BBS12: variants seen among roughly 807,000 people sequenced by gnomAD.
BBS12 encodes Bardet-Biedl syndrome 12, also known as chaperonin-containing T-complex member BBS12.
A neutral mutation model predicts 5.6 loss-of-function variants in BBS12; 5 were observed. The ratio of observed to expected loss-of-function variants is 0.89; its 90% CI spans 0.46 to 1.86. BBS12 has a LOEUF of 1.86. Ranked by LOEUF, BBS12 falls within the 40% of genes most tolerant of loss-of-function variation. BBS12 has a pLI of 0.01. For synonymous variants in BBS12, 308 were observed against 306.8 expected, an observed-to-expected ratio of 1.00 and a Z score of -0.04; for missense variants, 748 against 830.4, an observed-to-expected ratio of 0.90 and a Z score of 1.22.
Position 122,742,488 on chromosome 4 carries a change from T to C in BBS12, c.596T>C (p.Leu199Ser). Reference sequence around the variant, plus strand: ...GGGAGACCTCTTAAATCATATGAATTATTTAAACCTCAGACAAAGGTTGAA... The same window carrying C: ...GGGAGACCTCTTAAATCATATGAATCATTTAAACCTCAGACAAAGGTTGAA... ...LSGRPLKSYELFKPQTKVEAD... is the reference protein window; with the variant it reads ...LSGRPLKSYESFKPQTKVEAD... The change falls in exon 2 of 2, where the codon TTA becomes TCA. Residue 199 changes from leucine (L) to serine (S), a missense_variant. Transcript: ENST00000314218. 6.2e-7 allele frequency: 1 copy of C among 1,614,012 alleles called. No individual in the cohort carries two copies. The highest frequency in any genetic ancestry group is 8.5e-7 in the Non-Finnish European group (1 of 1,179,942).
At chr4:122,737,208 G>A (rs555286324) in intron 1 of BBS12, among the ~76,000 whole-genome samples, 1 of 152,290 alleles carries the variant, frequency 6.6e-6, no homozygotes, top group African/African-American at 2.4e-5. Flanking sequence ...ACATGTACAA[G>A]TTAAGAGTAT....
At chr4:122,707,975 T>TCC in the BBS12 span, among the ~76,000 whole-genome samples, 105 of 148,276 alleles carry the variant, frequency 7.1e-4, no homozygotes, top group Middle Eastern at 3.5e-3. Flanking sequence ...CTTCCTTCCT[T>TCC]TCTTTCTTTC....
At chr4:122,700,878 C>A in the BBS12 span, among the ~76,000 whole-genome samples, 45 of 152,284 alleles carry the variant, frequency 3.0e-4, 1 homozygote, top group East Asian at 8.3e-3. Context: ...AATGATTGAA[C>A]TACTTCTTCC....
intron 1 of BBS12, among the ~76,000 whole-genome samples, chr4:122,738,892 C>T (rs866563143): frequency 2.6e-5 from 4 of 152,000 alleles, no homozygotes; most frequent in Non-Finnish European, 5.9e-5. Flanking sequence ...TGAATATTTC[C>T]CCCCAGTTCA....
At chr4:122,707,742 G>A in the BBS12 span, among the ~76,000 whole-genome samples, 1 of 152,162 alleles carries the variant, frequency 6.6e-6, no homozygotes, top group Non-Finnish European at 1.5e-5. Flanking sequence ...TGGTGCAGTA[G>A]AAGGCCGACT....
At chr4:122,733,321 G>A (rs574710391) in intron 1 of BBS12, among the ~76,000 whole-genome samples, 1 of 151,164 alleles carries the variant, frequency 6.6e-6, no homozygotes, top group Non-Finnish European at 1.5e-5. Context: ...ATTTGTTTAC[G>A]AGGTAGGACT....
At chr4:122,735,779 T>TAC (rs1800775680) in intron 1 of BBS12, among the ~76,000 whole-genome samples, 1 of 152,198 alleles carries the variant, frequency 6.6e-6, no homozygotes, top group Non-Finnish European at 1.5e-5. Flanking sequence ...TCCTGGAAAT[T>TAC]ACATTCTAAG....
chr4:122,719,614 G>T, the BBS12 span, among the ~76,000 whole-genome samples: 2 of 151,972 alleles, frequency 1.3e-5, no homozygotes, highest in East Asian at 3.9e-4. Flanking sequence ...GAAGGTCTGC[G>T]GCGTCACTCC....
In BBS12 at chr4:122,732,794, G is replaced by GT. The variant is rs1434971063; in HGVS notation, c.-96dup. The GT allele has an allele frequency of 4.6e-5, 7 of 152,346 alleles. No individual in the cohort carries two copies. Among genetic ancestry groups the GT allele is most frequent in the Admixed American group, 4.6e-4 (7 of 15,292 alleles). 9.4% of individuals were successfully genotyped at this position (152,346 alleles called of 1,614,324 possible). Reference sequence around the variant, plus strand: ...GGGAACTGGGCTCCCTAGCCCTGGCGTTTTTGGTGTTGCTGTCCCAGCCAG... The same window carrying GT: ...GGGAACTGGGCTCCCTAGCCCTGGCGTTTTTTGGTGTTGCTGTCCCAGCCAG... On this transcript the variant is annotated 5_prime_UTR_variant, in exon 1 of 2. Coordinates refer to ENST00000314218, the MANE Select transcript of BBS12 (RefSeq NM_152618.3).
the BBS12 span, among the ~76,000 whole-genome samples, chr4:122,702,289 G>T: frequency 8.5e-4 from 129 of 152,288 alleles, 1 homozygote; most frequent in African/African-American, 3.0e-3. Context: ...TATCCAGACT[G>T]GAGACCAGCA....
At position 122,742,471 on chromosome 4, in the gene BBS12, T is replaced by G. The variant is rs1354832386; in HGVS notation, c.579T>G (p.Pro193=). 6.2e-7 allele frequency: 1 copy of G among 1,614,126 alleles called. No homozygotes were observed. The highest frequency in any genetic ancestry group is 1.1e-5 in the South Asian group (1 of 91,060). The change falls in exon 2 of 2, where the codon CCT becomes CCG. Residue 193 remains proline, a synonymous_variant. Transcript: ENST00000314218. ...TLTISNLSGR[P]LKSYELFKPQ... ...CCATTTCCAACCTTTCTGGGAGACC[T>G]CTTAAATCATATGAATTATTTAAAC...
At chr4:122,722,217 TAAATC>T in the BBS12 span, among the ~76,000 whole-genome samples, 2 of 152,204 alleles carry the variant, frequency 1.3e-5, no homozygotes, top group African/African-American at 2.4e-5. Flanking sequence ...ACCTTTGTCT[TAAATC>T]AAGTCATGTA....
At chr4:122,713,667 G>A in the BBS12 span, among the ~76,000 whole-genome samples, 1 of 152,182 alleles carries the variant, frequency 6.6e-6, no homozygotes, top group Non-Finnish European at 1.5e-5. Flanking sequence ...GATTGAGTAA[G>A]ATCAGTGTTT....
chr4:122,730,027 A>G (rs1800678233), upstream of BBS12: 1 of 152,254 alleles, frequency 6.6e-6, no homozygotes, highest in Non-Finnish European at 1.5e-5. Context: ...TGCTCACTAT[A>G]GAGTCAAACT....
chr4:122,735,740 G>A (rs954545703), intron 1 of BBS12, among the ~76,000 whole-genome samples: 2 of 151,996 alleles, frequency 1.3e-5, no homozygotes, highest in African/African-American at 2.4e-5. Context: ...GTAGGTACTC[G>A]GGATATACAT....
the BBS12 span, among the ~76,000 whole-genome samples, chr4:122,702,124 C>T: frequency 6.6e-6 from 1 of 152,194 alleles, no homozygotes; most frequent in Non-Finnish European, 1.5e-5. Flanking sequence ...GTCACCCAGG[C>T]TAGAGTGCAG....
At chr4:122,702,569 G>C in the BBS12 span, among the ~76,000 whole-genome samples, 171 of 152,348 alleles carry the variant, frequency 1.1e-3, 2 homozygotes, top group African/African-American at 3.9e-3. Context: ...TGCTGGCTAA[G>C]AGGCACATGC....
chr4:122,722,576 ACTT>A, the BBS12 span, among the ~76,000 whole-genome samples: 1 of 152,144 alleles, frequency 6.6e-6, no homozygotes, highest in Admixed American at 6.6e-5. Flanking sequence ...TTCTCTCAAT[ACTT>A]CTTAATAGAT....
chr4:122,716,651 G>A, the BBS12 span, among the ~76,000 whole-genome samples: 298 of 92,116 alleles, frequency 3.2e-3, 3 homozygotes, highest in African/African-American at 9.3e-3. Flanking sequence ...ACACGTGTGT[G>A]TATATGCACA....
Sources: allele counts gnomAD v4.1 joint callset (sites outside exome capture counted in the v4.1 genomes callset), GRCh38; gene constraint gnomAD v4.1.1; transcripts MANE v1.5; gene names NCBI Gene and HGNC (gene_info 2026-07-23, HGNC 2026-07-21).